The following MALT1 variants were observed in gnomAD, a reference collection of about 807,000 sequenced individuals.
MALT1 encodes the protein MALT1 paracaspase, also known as mucosa-associated lymphoid tissue lymphoma translocation protein 1.
In MALT1, 36 loss-of-function variants were observed where a neutral mutation model predicts 85.5. The observed-to-expected ratio is 0.42, with a 90% CI of 0.32 to 0.56. MALT1 has a LOEUF of 0.56. MALT1 is among the 20% of genes least tolerant of loss of function. The pLI is 0.10. For synonymous variants in MALT1, 359 were observed against 361.3 expected, an observed-to-expected ratio of 0.99 and a Z score of 0.07; for missense variants, 716 against 981.6, an observed-to-expected ratio of 0.73 and a Z score of 3.62.
chr18:58,703,175 G>T (rs775727767), intron 4 of MALT1, among the ~76,000 whole-genome samples: 3 of 152,216 alleles, frequency 2.0e-5, no homozygotes, highest in Non-Finnish European at 4.4e-5. Context: ...TGACCAACAT[G>T]GTGAAACCCT....
chr18:58,734,823 G>A (rs1382172957), intron 12 of MALT1, among the ~76,000 whole-genome samples: 2 of 152,130 alleles, frequency 1.3e-5, no homozygotes, highest in African/African-American at 2.4e-5. Context: ...GCTTATTGGT[G>A]TATACAGAAG....
At chr18:58,705,762 A>G (rs2054743018) in intron 4 of MALT1, among the ~76,000 whole-genome samples, 2 of 152,150 alleles carry the variant, frequency 1.3e-5, no homozygotes, top group Non-Finnish European at 2.9e-5. Context: ...CTTTGTTATC[A>G]TGAATAATGC....
At chr18:58,679,867 A>G (rs534898419) in intron 1 of MALT1, among the ~76,000 whole-genome samples, 31 of 152,258 alleles carry the variant, frequency 2.0e-4, no homozygotes, top group East Asian at 1.9e-4. Context: ...TTGAATGTCA[A>G]TAGTACTGGT....
intron 10 of MALT1, among the ~76,000 whole-genome samples, chr18:58,728,005 G>C (rs143969703): frequency 4.4e-4 from 67 of 152,268 alleles, no homozygotes; most frequent in African/African-American, 1.6e-3. Flanking sequence ...TGCTGGGGTG[G>C]CGGGTGTTGT....
At chr18:58,716,606 C>A (rs2054903669) in intron 9 of MALT1, among the ~76,000 whole-genome samples, 1 of 152,102 alleles carries the variant, frequency 6.6e-6, no homozygotes. Flanking sequence ...TAATATGTGT[C>A]AGTTACTGAG....
chr18:58,690,069 T>C (rs1021396816), intron 2 of MALT1, among the ~76,000 whole-genome samples: 1 of 152,248 alleles, frequency 6.6e-6, no homozygotes, highest in African/African-American at 2.4e-5. Context: ...TGCAGATACT[T>C]CACTTTCTGC....
chr18:58,673,645 C>A (rs547924980), intron 1 of MALT1, among the ~76,000 whole-genome samples: 1 of 152,022 alleles, frequency 6.6e-6, no homozygotes, highest in Non-Finnish European at 1.5e-5. Flanking sequence ...TTAGTAAAGA[C>A]GGGGTTTTGC....
At chr18:58,690,770 CT>C in intron 2 of MALT1, 1 of 206,194 alleles carries the variant, frequency 4.8e-6, no homozygotes, top group African/African-American at 2.3e-5. Flanking sequence ...GGCCCTCTGG[CT>C]TACCGAGGCC....
chr18:58,707,056 T>G (rs2054762576), intron 4 of MALT1, among the ~76,000 whole-genome samples: 1 of 152,184 alleles, frequency 6.6e-6, no homozygotes, highest in African/African-American at 2.4e-5. Context: ...ATCTCTTTTG[T>G]TTCCAGTTAG....
rs192579166 is a variant in MALT1 at position 58,733,952 on chromosome 18, G to A, written c.1401-355G>A. The A allele has an allele frequency of 6.8e-5, 78 of 1,151,502 alleles. No individual in the cohort carries two copies. The Admixed American group carries it at 3.2e-3, about 48-fold the overall frequency. The allele number at this position is 1,151,502 out of a possible 1,614,324, so 71.3% of individuals were successfully genotyped here. A position where few individuals can be genotyped will look rare whatever the true frequency, so the allele number is the denominator to read the frequency against. On this transcript the variant is annotated intron_variant, in intron 11 of 16. Transcript: ENST00000649217. ...AGTCAGTCCTGGTCTTCCAGACATG[G>A]AATGAGTAGCCGAAGCAGATGTTTG...
intron 2 of MALT1, among the ~76,000 whole-genome samples, chr18:58,689,425 T>A (rs2054461698): frequency 7.3e-6 from 1 of 136,464 alleles, no homozygotes; most frequent in African/African-American, 2.6e-5. Context: ...TGTAAAGCAG[T>A]CAGTAACTTG....
Position 58,671,582 on chromosome 18 carries a change from G to C in MALT1, c.-62G>C, listed in dbSNP as rs1328487192. ...TCGGAGGCGAGCGGAAGGTGCCCCG[G>C]GGCCGAGGCCCGTGACGGGGCGGGC... is the stretch of plus-strand genomic sequence containing the variant. On this transcript the variant is annotated 5_prime_UTR_variant, in exon 1 of 17. Coordinates refer to ENST00000649217, the MANE Select transcript of MALT1 (RefSeq NM_006785.4). 12 of 1,111,520 alleles carry C rather than the reference G, an allele frequency of 1.1e-5. No homozygotes were observed. The highest frequency in any genetic ancestry group is 3.4e-5 in the East Asian group (1 of 29,296). The allele number at this position is 1,111,520 out of a possible 1,614,324, so 68.9% of individuals were successfully genotyped here. A position where few individuals can be genotyped will look rare whatever the true frequency, so the allele number is the denominator to read the frequency against.
At chr18:58,691,534 T>C (rs34118442) in intron 2 of MALT1, 13,738 of 189,790 alleles carry the variant, frequency 0.072, 578 homozygotes, top group Middle Eastern at 0.16. Context: ...GGTGGAATCA[T>C]GCCAGCTACT....
chr18:58,730,439 T>G (rs1457130241), intron 10 of MALT1, among the ~76,000 whole-genome samples: 1 of 152,218 alleles, frequency 6.6e-6, no homozygotes, highest in Non-Finnish European at 1.5e-5. Context: ...TTCTTTCACT[T>G]CACATGTTTT....
chr18:58,723,122 G>C lies in MALT1; in HGVS notation c.1093G>C (p.Asp365His). The change falls in exon 10 of 17, where the codon GAT becomes CAT. Residue 365 changes from aspartate (D) to histidine (H), a missense_variant. Physicochemically the swap from Asp to His is moderately conservative, Grantham distance 81. Coordinates refer to ENST00000649217, the MANE Select transcript of MALT1 (RefSeq NM_006785.4). ...EHPKLKAPLV[D>H]VYELTNLLRQ... ...CCCCAAGCTCAAAGCTCCTTTGGTG[G>C]ATGTGTACGAATTGACTAACTTACT... 1 of 1,613,906 alleles carries C rather than the reference G, an allele frequency of 6.2e-7. No individual in the cohort carries two copies. Among genetic ancestry groups the C allele is most frequent in the Non-Finnish European group, 8.5e-7 (1 of 1,179,930 alleles).
At chr18:58,709,740 T>C (rs1363136798) in intron 5 of MALT1, among the ~76,000 whole-genome samples, 184 bp downstream of exon 5, 2 of 152,246 alleles carry the variant, frequency 1.3e-5, no homozygotes, top group African/African-American at 4.8e-5. Flanking sequence ...GTGCTAGAAT[T>C]CAACTCAGGC....
chr18:58,722,561 T>C lies in MALT1; in HGVS notation c.1019-487T>C, dbSNP rs142384372. ...AGTACCCGTGAAGTTCTCTCTCTCTTTGATATTTCCCCTCATTCACTCTGA... is the reference window on the plus strand; with the variant it reads ...AGTACCCGTGAAGTTCTCTCTCTCTCTGATATTTCCCCTCATTCACTCTGA... On this transcript the variant is annotated intron_variant, in intron 9 of 16. Transcript: ENST00000649217. Among the ~76,000 whole-genome samples the C allele has an allele frequency of 7.3e-3, 1,098 of 150,420 alleles. 5 individuals carry two copies. The highest frequency in any genetic ancestry group is 9.9e-3 in the Non-Finnish European group (672 of 67,856).
chr18:58,673,292 T>G (rs2054193607), intron 1 of MALT1, among the ~76,000 whole-genome samples: 1 of 152,244 alleles, frequency 6.6e-6, no homozygotes, highest in Admixed American at 6.5e-5. Context: ...AGGAATGGAC[T>G]ATTATTTGGG....
Position 58,698,161 on chromosome 18 carries a change from G to A in MALT1, c.498+1674G>A, listed in dbSNP as rs565498047. ...GGCTCACTGCAACCTCCACCTCCCC[G>A]GTTCAAACGATTACCCTGCCTCAGC... On this transcript the variant is annotated intron_variant, in intron 3 of 16. Transcript: ENST00000649217. Among the ~76,000 whole-genome samples, 72 of 148,312 alleles carry A rather than the reference G, an allele frequency of 4.9e-4. 2 individuals are homozygous for A. The South Asian group carries it at 5.5e-3, about 11-fold the overall frequency.
Sources: allele counts gnomAD v4.1 joint callset (sites outside exome capture counted in the v4.1 genomes callset), GRCh38; gene constraint gnomAD v4.1.1; transcripts MANE v1.5; gene names NCBI Gene and HGNC (gene_info 2026-07-23, HGNC 2026-07-21).